KLK13: variants seen among roughly 807,000 people sequenced by gnomAD.
KLK13 encodes the protein kallikrein-13.
In KLK13, 19 loss-of-function variants were observed where a neutral mutation model predicts 22.4. The observed-to-expected ratio is 0.85, with a 90% CI of 0.59 to 1.24. The LOEUF is 1.24. KLK13 is among the 50% of genes most tolerant of loss of function. The pLI, the probability that KLK13 is intolerant of heterozygous loss-of-function variation, is 0.00. For synonymous variants in KLK13, 156 were observed against 141.8 expected (o/e 1.10, Z -0.71); for missense variants, 311 against 347.9 (o/e 0.89, Z 0.84).
intron 3 of KLK13, 34 bp from the exon 4 acceptor site, chr19:51,058,708 G>C: frequency 6.2e-7 from 1 of 1,611,390 alleles, no homozygotes; most frequent in South Asian, 1.1e-5. Flanking sequence ...TAAGGTATCC[G>C]ACCTGGATAG....
At chr19:51,062,671 C>G (rs2091741067) in intron 1 of KLK13, among the ~76,000 whole-genome samples, 1 of 152,210 alleles carries the variant, frequency 6.6e-6, no homozygotes, top group East Asian at 1.9e-4. Context: ...ACTGTGTGAC[C>G]TTATGCAAAT....
intron 4 of KLK13, among the ~76,000 whole-genome samples, chr19:51,057,187 C>G (rs1430186844): frequency 6.6e-6 from 1 of 152,130 alleles, no homozygotes; most frequent in Non-Finnish European, 1.5e-5. Context: ...TCATTTGTGT[C>G]TCTCACTATT....
chr19:51,060,725 G>T, intron 1 of KLK13, 106 bp from the exon 2 acceptor site: 1 of 836,864 alleles, frequency 1.2e-6, no homozygotes, highest in Non-Finnish European at 1.9e-6. Flanking sequence ...TGCCCTGGGT[G>T]ACCAGGAACT....
chr19:51,064,881 G>A (rs1463336970), intron 1 of KLK13, 135 bp downstream of exon 1: 30 of 727,412 alleles, frequency 4.1e-5, no homozygotes, highest in Non-Finnish European at 5.0e-5. Flanking sequence ...AGAGCTCTGA[G>A]CTGTCCCCAC....
At position 51,060,422 on chromosome 19, in the gene KLK13, C is replaced by A; in HGVS notation, c.239+11G>T. On this transcript the variant is annotated intron_variant, in intron 2 of 4. Coordinates refer to ENST00000595793, the MANE Select transcript of KLK13 (RefSeq NM_015596.3). ...TCATCCCTACCCCATGCTCCCCCGG[C>A]CCCCACATACTCCTTTAGACAGTGT... 1 of 1,564,198 alleles carries A rather than the reference C, an allele frequency of 6.4e-7. No individual in the cohort carries two copies. The highest frequency in any genetic ancestry group is 8.7e-7 in the Non-Finnish European group (1 of 1,152,368).
Position 51,056,691 on chromosome 19 carries a change from G to C in KLK13, c.730C>G (p.Arg244Gly). ...GAGACACGGGTGTAGACACCAGGCC[G>C]GTCAGGTTGCCCACATGGGAAGTCT... ...WGDFPCGQPD[R>G]PGVYTRVSRY... is the part of the protein sequence containing the mutation. Residue 244 changes from arginine to glycine, a missense_variant, in exon 5 of 5, where the codon CGG becomes GGG. Coordinates refer to ENST00000595793, the MANE Select transcript of KLK13 (RefSeq NM_015596.3). 2 of 1,614,134 alleles carry C rather than the reference G, an allele frequency of 1.2e-6. No individual in the cohort carries two copies. The highest frequency in any genetic ancestry group is 1.3e-5 in the African/African-American group (1 of 75,024).
intron 1 of KLK13, chr19:51,064,487 C>CAAAAAAA (rs35554667): frequency 6.8e-4 from 108 of 158,550 alleles, no homozygotes; most frequent in Middle Eastern, 1.5e-3. Flanking sequence ...GGTTCCATCT[C>CAAAAAAA]AAAAAAAAAA....
chr19:51,062,918 T>C (rs2091743448), intron 1 of KLK13, among the ~76,000 whole-genome samples: 1 of 152,174 alleles, frequency 6.6e-6, no homozygotes, highest in Non-Finnish European at 1.5e-5. Flanking sequence ...AGCTCAGTGG[T>C]TTGCAGTTAG....
At chr19:51,059,687 A>G (rs918379328) in intron 3 of KLK13, 138 bp downstream of exon 3, 2 of 477,200 alleles carry the variant, frequency 4.2e-6, no homozygotes, top group African/African-American at 4.1e-5. Context: ...GGATACAGCT[A>G]ACTTTAAATA....
chr19:51,059,540 T>C (rs2091705928), intron 3 of KLK13: 1 of 170,614 alleles, frequency 5.9e-6, no homozygotes, highest in Admixed American at 6.5e-5. Context: ...TTTTGTATAA[T>C]ATATAATTAT....
At chr19:51,065,241 T>G, upstream of KLK13, 1 of 522,278 alleles carries the variant, frequency 1.9e-6, no homozygotes, top group Non-Finnish European at 3.3e-6. Flanking sequence ...CGCCTCCAAT[T>G]CCATCCTTGG....
chr19:51,064,923 G>A (rs2091767459), intron 1 of KLK13, 93 bp downstream of exon 1: 2 of 1,060,966 alleles, frequency 1.9e-6, no homozygotes, highest in South Asian at 1.7e-5. Context: ...GGGGGGCGGA[G>A]CTCGCGGCTC....
intron 1 of KLK13, 105 bp downstream of exon 1, chr19:51,064,911 G>A: frequency 1.1e-6 from 1 of 909,588 alleles, no homozygotes; most frequent in Non-Finnish European, 1.6e-6. Context: ...CCCCGAGTGG[G>A]CGGGGGGCGG....
rs767761060 is a variant in KLK13, at chr19:51,060,539, G to C, written c.133C>G (p.His45Asp). 8.1e-6 allele frequency: 13 copies of C among 1,613,822 alleles called. No individual in the cohort carries two copies. Among genetic ancestry groups the C allele is most frequent in the African/African-American group, 4.0e-5 (3 of 74,920 alleles). The change falls in exon 2 of 5, where the codon CAC (histidine) becomes GAC (aspartate). Residue 45 changes from histidine (H) to aspartate (D), a missense_variant. Coordinates refer to ENST00000595793, the MANE Select transcript of KLK13 (RefSeq NM_015596.3). Reference sequence around the variant, plus strand: ...AGGGCAGCCTGCCAGGGCTGAGAGTGGGGGAAGCAGGTGTAGCCACCTGGG... The same window carrying C: ...AGGGCAGCCTGCCAGGGCTGAGAGTCGGGGAAGCAGGTGTAGCCACCTGGG... ...FLPGGYTCFP[H>D]SQPWQAALLV...
At chr19:51,059,321 A>G (rs2091703811) in intron 3 of KLK13, among the ~76,000 whole-genome samples, 1 of 148,358 alleles carries the variant, frequency 6.7e-6, no homozygotes, top group African/African-American at 2.5e-5. Flanking sequence ...ATAGAAATAT[A>G]AACATTTTAT....
intron 2 of KLK13, 80 bp from the exon 3 acceptor site, chr19:51,060,173 C>A (rs2091714229): frequency 6.5e-7 from 1 of 1,538,808 alleles, no homozygotes; most frequent in Non-Finnish European, 8.8e-7. Flanking sequence ...CTCTTCCCAT[C>A]CCCAACCTAA....
Position 51,056,290 on chromosome 19 carries a change from C to T in KLK13, c.*297G>A. 2.7e-6 allele frequency: 1 copy of T among 372,386 alleles called. No homozygotes were observed. Among genetic ancestry groups the T allele is most frequent in the Non-Finnish European group, 4.9e-6 (1 of 203,746 alleles). 23.1% of individuals were successfully genotyped at this position (372,386 alleles called of 1,614,324 possible). A position where few individuals can be genotyped will look rare whatever the true frequency, so the allele number is the denominator to read the frequency against. The stretch of plus-strand genomic sequence containing the variant: ...AAGAATGTGCCACAGACAGAACGTT[C>T]AGGTGGTGATCTGGGCTCATAGAAG... On this transcript the variant is annotated 3_prime_UTR_variant, in exon 5 of 5. Transcript: ENST00000595793.
intron 1 of KLK13, among the ~76,000 whole-genome samples, chr19:51,064,037 C>T (rs1599789732): frequency 3.3e-5 from 5 of 152,122 alleles, no homozygotes. Flanking sequence ...GATTCATGAA[C>T]GGGGTTTCCA....
chr19:51,062,650 GC>G (rs2091740946), intron 1 of KLK13, among the ~76,000 whole-genome samples: 1 of 152,156 alleles, frequency 6.6e-6, no homozygotes, highest in Admixed American at 6.5e-5. Flanking sequence ...GAACATGCAT[GC>G]CATTTTGTGA....
Sources: allele counts gnomAD v4.1 joint callset (sites outside exome capture counted in the v4.1 genomes callset), GRCh38; gene constraint gnomAD v4.1.1; transcripts MANE v1.5; gene names NCBI Gene and HGNC (gene_info 2026-07-23, HGNC 2026-07-21).